The following KIAA1217 variants were observed in gnomAD, a reference collection of about 807,000 sequenced individuals.
KIAA1217 encodes KIAA1217.
In KIAA1217, 88 loss-of-function variants were observed where a neutral mutation model predicts 163.9. That is an observed-to-expected ratio of 0.54 (90% CI 0.45 to 0.64). The LOEUF is 0.64. Among genes scored for constraint, KIAA1217 ranks in the 30% least tolerant of loss-of-function variants. KIAA1217 has a pLI of 0.00. For missense variants in KIAA1217, 2,372 were observed against 2,475.0 expected (o/e 0.96, Z 0.88); for synonymous variants, 903 against 923.1 (o/e 0.98, Z 0.39).
At chr10:23,985,174 AT>A (rs2131422206) in intron 1 of KIAA1217, among the ~76,000 whole-genome samples, 1 of 152,220 alleles carries the variant, frequency 6.6e-6, no homozygotes, top group East Asian at 1.9e-4. Flanking sequence ...CAAGGTCTTG[AT>A]TTTGTGCTTG....
At chr10:23,840,313 AC>A (rs778060156) in intron 1 of KIAA1217, among the ~76,000 whole-genome samples, 20 of 151,754 alleles carry the variant, frequency 1.3e-4, no homozygotes, top group Admixed American at 2.6e-4. Flanking sequence ...CTGCCACCAA[AC>A]CCAGCTAATT....
chr10:23,817,962 C>CAT lies in KIAA1217; in HGVS notation c.-321+122774_-321+122775dup, dbSNP rs71397918. Among the ~76,000 whole-genome samples, 402 of 54,156 alleles carry CAT rather than the reference C, an allele frequency of 7.4e-3. 1 individual carries two copies. The highest frequency in any genetic ancestry group is 0.018 in the Middle Eastern group (1 of 56). The allele number at this position is 54,156 out of a possible 152,430, so 35.5% of individuals were successfully genotyped here. On this transcript the variant is annotated intron_variant, in intron 1 of 18. Transcript: ENST00000376462. ...AAAATTATAGCTTGGTGTGGTGGCA[C>CAT]ATATATATATATATATATATATATA...
chr10:23,815,262 C>T (rs1025788920), intron 1 of KIAA1217, among the ~76,000 whole-genome samples: 1 of 151,570 alleles, frequency 6.6e-6, no homozygotes. Context: ...CTCACTTTTA[C>T]AGATGAAAAA....
intron 2 of KIAA1217, among the ~76,000 whole-genome samples, chr10:24,351,853 G>A (rs965457807): frequency 7.9e-5 from 12 of 152,164 alleles, no homozygotes; most frequent in Admixed American, 2.6e-4. Context: ...TTGCTGGAGC[G>A]AGATGGGCTC....
At chr10:23,702,853 G>A (rs1482096220) in intron 1 of KIAA1217, among the ~76,000 whole-genome samples, 3 of 152,110 alleles carry the variant, frequency 2.0e-5, no homozygotes, top group East Asian at 3.9e-4. Context: ...GTAGCCTCCG[G>A]AGTAGCTGGG....
intron 2 of KIAA1217, among the ~76,000 whole-genome samples, chr10:24,239,555 T>A (rs886193749): frequency 1.3e-5 from 2 of 150,992 alleles, no homozygotes; most frequent in Non-Finnish European, 2.9e-5. Context: ...AAACAAGCGA[T>A]GCATTGTGCG....
intron 2 of KIAA1217, among the ~76,000 whole-genome samples, chr10:24,181,314 G>A (rs751486407): frequency 3.9e-5 from 6 of 152,164 alleles, no homozygotes; most frequent in Admixed American, 6.5e-5. Context: ...AGAGAAGTAG[G>A]ACCTGGCTAG....
chr10:24,155,862 G>A (rs552371927), intron 2 of KIAA1217, among the ~76,000 whole-genome samples: 1 of 152,084 alleles, frequency 6.6e-6, no homozygotes, highest in African/African-American at 2.4e-5. Context: ...CTGTCTCTGG[G>A]GATCATTTGG....
chr10:24,354,304 C>A (rs1443406228), intron 2 of KIAA1217, among the ~76,000 whole-genome samples: 2 of 152,164 alleles, frequency 1.3e-5, no homozygotes, highest in Non-Finnish European at 1.5e-5. Context: ...GTCTATCTGG[C>A]CACCTAGTGA....
intron 6 of KIAA1217, among the ~76,000 whole-genome samples, chr10:24,480,541 T>C (rs1296699991): frequency 1.3e-5 from 2 of 152,166 alleles, no homozygotes; most frequent in Non-Finnish European, 2.9e-5. Flanking sequence ...CTCCATTTGC[T>C]CAACTGTGAC....
chr10:24,387,952 T>C (rs2054250196), intron 3 of KIAA1217, among the ~76,000 whole-genome samples: 1 of 151,820 alleles, frequency 6.6e-6, no homozygotes, highest in Non-Finnish European at 1.5e-5. Context: ...ATAGGAAGAG[T>C]CAATATTGTG....
intron 2 of KIAA1217, among the ~76,000 whole-genome samples, chr10:24,151,707 G>A (rs2064623112): frequency 6.6e-6 from 1 of 151,164 alleles, no homozygotes; most frequent in Admixed American, 6.6e-5. Context: ...ACCACGGAAG[G>A]CCCCTTGCTA....
intron 10 of KIAA1217, among the ~76,000 whole-genome samples, chr10:24,516,522 C>A (rs918968567): frequency 6.6e-6 from 1 of 152,192 alleles, no homozygotes; most frequent in African/African-American, 2.4e-5. Context: ...CAAACAAAGC[C>A]GGTGATTCTG....
intron 2 of KIAA1217, among the ~76,000 whole-genome samples, chr10:24,264,991 C>T (rs1384878245): frequency 1.3e-5 from 2 of 152,074 alleles, no homozygotes; most frequent in Non-Finnish European, 2.9e-5. Context: ...GCTGGGACTA[C>T]AAGTGTGTGC....
At chr10:24,353,058 C>T (rs936177703) in intron 2 of KIAA1217, among the ~76,000 whole-genome samples, 1 of 152,012 alleles carries the variant, frequency 6.6e-6, no homozygotes, top group African/African-American at 2.4e-5. Flanking sequence ...CCACAGCAGC[C>T]TCCTAGGTCT....
intron 1 of KIAA1217, among the ~76,000 whole-genome samples, chr10:23,899,787 G>T (rs1461742787): frequency 6.6e-6 from 1 of 152,102 alleles, no homozygotes; most frequent in Non-Finnish European, 1.5e-5. Context: ...GTGTTTGTGT[G>T]TGTAAAACAA....
intron 2 of KIAA1217, among the ~76,000 whole-genome samples, chr10:24,293,176 G>A (rs2079272968): frequency 6.6e-6 from 1 of 152,178 alleles, no homozygotes; most frequent in Non-Finnish European, 1.5e-5. Context: ...CCGAGTAGCT[G>A]GGATTATAGG....
intron 2 of KIAA1217, among the ~76,000 whole-genome samples, chr10:24,289,001 C>T (rs2078837919): frequency 6.6e-6 from 1 of 152,216 alleles, no homozygotes; most frequent in Admixed American, 6.5e-5. Context: ...ATATATTAAT[C>T]TCCTACTGTG....
At chr10:24,229,256 A>C (rs2071030378) in intron 2 of KIAA1217, among the ~76,000 whole-genome samples, 1 of 152,216 alleles carries the variant, frequency 6.6e-6, no homozygotes, top group Non-Finnish European at 1.5e-5. Flanking sequence ...GCCACAGTGA[A>C]GGTCTGGATA....
Sources: gnomAD v4.1 joint callset for allele counts (sites outside exome capture counted in the v4.1 genomes callset) on GRCh38, gnomAD v4.1.1 for gene constraint, MANE v1.5 for transcripts, NCBI Gene and HGNC (gene_info 2026-07-23, HGNC 2026-07-21) for gene names.